ZBTB7C: variants seen among roughly 807,000 people sequenced by gnomAD.
ZBTB7C encodes zinc finger and BTB domain containing 7C, also known as zinc finger and BTB domain-containing protein 7C.
In ZBTB7C, 8 loss-of-function variants were observed where a neutral mutation model predicts 25.7. The ratio of observed to expected loss-of-function variants is 0.31; its 90% CI spans 0.18 to 0.56. The LOEUF (loss-of-function observed/expected upper bound fraction) is 0.56. Among genes scored for constraint, ZBTB7C ranks in the 20% least tolerant of loss-of-function variants. The pLI, the probability that ZBTB7C is intolerant of heterozygous loss-of-function variation, is 0.91. For missense variants in ZBTB7C, 824 were observed against 855.2 expected, an observed-to-expected ratio of 0.96 and a Z score of 0.46; for synonymous variants, 394 against 369.0, an observed-to-expected ratio of 1.07 and a Z score of -0.78.
intron 2 of ZBTB7C, among the ~76,000 whole-genome samples, chr18:48,225,751 A>T (rs951558386): frequency 1.3e-5 from 2 of 149,666 alleles, no homozygotes; most frequent in South Asian, 4.2e-4. Context: ...ACACTTCCTA[A>T]TTTTTTTTTT....
intron 2 of ZBTB7C, among the ~76,000 whole-genome samples, chr18:48,202,401 G>C (rs1357861034): frequency 6.9e-6 from 1 of 144,520 alleles, no homozygotes; most frequent in Non-Finnish European, 1.5e-5. Flanking sequence ...GGACATGCTG[G>C]AACCTTCCAG....
chr18:48,031,892 G>A (rs547158731), intron 4 of ZBTB7C, among the ~76,000 whole-genome samples: 3 of 152,222 alleles, frequency 2.0e-5, no homozygotes, highest in East Asian at 3.9e-4. Context: ...TGGAAGTGTC[G>A]GGTGCCTGTA....
intron 2 of ZBTB7C, among the ~76,000 whole-genome samples, chr18:48,296,542 G>T (rs1045925376): frequency 2.6e-5 from 4 of 152,024 alleles, no homozygotes; most frequent in Non-Finnish European, 4.4e-5. Flanking sequence ...TAAAAATTAG[G>T]TAATACAGGC....
At chr18:48,227,919 C>A (rs763467164) in intron 2 of ZBTB7C, among the ~76,000 whole-genome samples, 50 of 152,044 alleles carry the variant, frequency 3.3e-4, no homozygotes, top group Non-Finnish European at 6.2e-4. Context: ...GTAAGTGGTA[C>A]ACTAAAGAGC....
At chr18:48,313,254 G>A (rs1353559799) in intron 2 of ZBTB7C, among the ~76,000 whole-genome samples, 1 of 152,214 alleles carries the variant, frequency 6.6e-6, no homozygotes, top group Non-Finnish European at 1.5e-5. Context: ...ATAGGAAATG[G>A]AAACCCTAGA....
intron 2 of ZBTB7C, among the ~76,000 whole-genome samples, chr18:48,235,679 T>A (rs896222277): frequency 6.6e-6 from 1 of 152,182 alleles, no homozygotes; most frequent in Non-Finnish European, 1.5e-5. Flanking sequence ...AGTTTTTGTT[T>A]GTCCAAATTT....
chr18:48,239,697 TG>T (rs1778811958), intron 2 of ZBTB7C, among the ~76,000 whole-genome samples: 1 of 152,186 alleles, frequency 6.6e-6, no homozygotes, highest in African/African-American at 2.4e-5. Context: ...GATCACTCTG[TG>T]GGACGAATCT....
At chr18:48,209,944 A>T (rs935073731) in intron 2 of ZBTB7C, among the ~76,000 whole-genome samples, 1 of 152,206 alleles carries the variant, frequency 6.6e-6, no homozygotes, top group Admixed American at 6.5e-5. Context: ...TTGTGTCTAG[A>T]CTATTTAAAG....
At chr18:48,291,931 C>T (rs2045241501) in intron 2 of ZBTB7C, among the ~76,000 whole-genome samples, 1 of 152,148 alleles carries the variant, frequency 6.6e-6, no homozygotes, top group South Asian at 2.1e-4. Context: ...GGCGTGGTGG[C>T]TCACACCTGT....
At chr18:48,098,967 G>A (rs2038737596) in intron 3 of ZBTB7C, among the ~76,000 whole-genome samples, 2 of 152,328 alleles carry the variant, frequency 1.3e-5, no homozygotes, top group South Asian at 4.1e-4. Flanking sequence ...TCCTGAGTTT[G>A]CTGAGCGGAG....
intron 2 of ZBTB7C, among the ~76,000 whole-genome samples, chr18:48,204,452 T>C (rs1297239393): frequency 6.6e-6 from 1 of 152,154 alleles, no homozygotes; most frequent in Non-Finnish European, 1.5e-5. Context: ...TGCCCTTTTA[T>C]AATCTCGCTG....
intron 2 of ZBTB7C, among the ~76,000 whole-genome samples, chr18:48,253,339 A>G (rs2043925436): frequency 6.6e-6 from 1 of 152,240 alleles, no homozygotes; most frequent in Non-Finnish European, 1.5e-5. Flanking sequence ...CAAGGTAGAG[A>G]GAAACAAGGA....
intron 3 of ZBTB7C, among the ~76,000 whole-genome samples, chr18:48,163,616 T>A (rs1057434607): frequency 2.0e-5 from 3 of 152,204 alleles, no homozygotes; most frequent in Non-Finnish European, 4.4e-5. Context: ...CCAGCCCTCT[T>A]ACAGACAAAG....
At chr18:48,200,893 C>T (rs1243724924) in intron 2 of ZBTB7C, among the ~76,000 whole-genome samples, 1 of 152,218 alleles carries the variant, frequency 6.6e-6, no homozygotes, top group Non-Finnish European at 1.5e-5. Context: ...AGACACGGTC[C>T]CACTCACTGT....
At chr18:48,100,643 C>T (rs2144608613) in intron 3 of ZBTB7C, among the ~76,000 whole-genome samples, 1 of 152,156 alleles carries the variant, frequency 6.6e-6, no homozygotes, top group South Asian at 2.1e-4. Flanking sequence ...TCTAATGAGC[C>T]CAGTCATTAA....
chr18:48,206,858 A>G (rs1040867276), intron 2 of ZBTB7C, among the ~76,000 whole-genome samples: 1 of 152,226 alleles, frequency 6.6e-6, no homozygotes, highest in African/African-American at 2.4e-5. Flanking sequence ...GAAAAGATTG[A>G]TAAATGGAAA....
intron 2 of ZBTB7C, among the ~76,000 whole-genome samples, chr18:48,219,886 GGCAATT>G (rs2042909663): frequency 6.6e-6 from 1 of 152,228 alleles, no homozygotes; most frequent in East Asian, 1.9e-4. Flanking sequence ...CAGGTTGGGA[GGCAATT>G]GCAACAGAAC....
chr18:48,048,022 G>A (rs1320656412), intron 3 of ZBTB7C, among the ~76,000 whole-genome samples: 1 of 152,130 alleles, frequency 6.6e-6, no homozygotes, highest in Non-Finnish European at 1.5e-5. Flanking sequence ...TGCCCCCTGG[G>A]AAGTCCAATT....
At chr18:48,401,029 C>T (rs1277971175) in intron 1 of ZBTB7C, among the ~76,000 whole-genome samples, 1 of 152,152 alleles carries the variant, frequency 6.6e-6, no homozygotes, top group Non-Finnish European at 1.5e-5. Context: ...GAAGCCACTG[C>T]ATGATTTTAA....
Sources: allele counts gnomAD v4.1 joint callset (sites outside exome capture counted in the v4.1 genomes callset), GRCh38; gene constraint gnomAD v4.1.1; transcripts MANE v1.5; gene names NCBI Gene and HGNC (gene_info 2026-07-23, HGNC 2026-07-21).